The following UVSSA variants were observed in gnomAD, a reference collection of about 807,000 sequenced individuals.
UVSSA encodes the protein UV-stimulated scaffold protein A.
A neutral mutation model predicts 73.9 loss-of-function variants in UVSSA; 72 were observed. The ratio of observed to expected loss-of-function variants is 0.97; its 90% CI spans 0.81 to 1.19. The LOEUF is 1.19. Ranked by LOEUF, UVSSA falls within the 50% of genes most tolerant of loss-of-function variation. The pLI is 0.00. For missense variants in UVSSA, 1,150 were observed against 965.0 expected, an observed-to-expected ratio of 1.19 and a Z score of -2.54; for synonymous variants, 454 against 391.3, an observed-to-expected ratio of 1.16 and a Z score of -1.89.
Position 1,353,000 on chromosome 4 carries a change from C to T in UVSSA, c.551-30C>T, listed in dbSNP as rs1234184162. ...GCTGGTGCTTTTGCTCCACATAGCGCAGCAAACAGGTGTCTTGATCTTCCG... is the reference window on the plus strand; with the variant it reads ...GCTGGTGCTTTTGCTCCACATAGCGTAGCAAACAGGTGTCTTGATCTTCCG... On this transcript the variant is annotated intron_variant, in intron 4 of 13. Coordinates refer to ENST00000389851, the MANE Select transcript of UVSSA (RefSeq NM_020894.4). 2.5e-6 allele frequency: 4 copies of T among 1,586,004 alleles called. No homozygotes were observed. In the African/African-American group the frequency reaches 4.0e-5, roughly 16 times the overall value.
chr4:1,394,445 C>A (rs1720472582), exon 14 of UVSSA: 1 of 1,604,900 alleles, frequency 6.2e-7, no homozygotes, highest in South Asian at 1.1e-5. Flanking sequence ...GTTTTTGATA[C>A]AAAATGTGAG....
At chr4:1,371,991 T>C (rs1380265145) in intron 8 of UVSSA, among the ~76,000 whole-genome samples, 2 of 152,242 alleles carry the variant, frequency 1.3e-5, no homozygotes, top group Non-Finnish European at 2.9e-5. Flanking sequence ...GCCCTCAGCA[T>C]GGCTTCTTAT....
At chr4:1,348,794 G>A (rs774140483) in intron 2 of UVSSA, among the ~76,000 whole-genome samples, 18 of 152,226 alleles carry the variant, frequency 1.2e-4, no homozygotes, top group Non-Finnish European at 2.2e-4. Context: ...TTCAGGTCAG[G>A]TTTTGTGGCC....
At position 1,353,228 on chromosome 4, in the gene UVSSA, A is replaced by G; in HGVS notation, c.749A>G (p.Gln250Arg). Residue 250 changes from glutamine (Q) to arginine (R), a missense_variant, in exon 5 of 14, where the codon CAG becomes CGG. Transcript: ENST00000389851. ...ACCCCTGACCCCCGGGACGGGGAGC[A>G]GCCCTGCTGCAGTAGAGACCTGCCT... ...SGTPDPRDGE[Q>R]PCCSRDLPAS... The G allele has an allele frequency of 6.2e-7, 1 of 1,612,134 alleles. No individual in the cohort carries two copies. Among genetic ancestry groups the G allele is most frequent in the Non-Finnish European group, 8.5e-7 (1 of 1,179,830 alleles).
chr4:1,376,851 G>GA (rs959448227), intron 10 of UVSSA, among the ~76,000 whole-genome samples: 1 of 151,024 alleles, frequency 6.6e-6, no homozygotes, highest in African/African-American at 2.5e-5. Flanking sequence ...CCGGGAGAGG[G>GA]TGGGGAGGAC....
chr4:1,345,252 T>C (rs1713577035), upstream of UVSSA, among the ~76,000 whole-genome samples: 1 of 151,994 alleles, frequency 6.6e-6, no homozygotes, highest in South Asian at 2.1e-4. Flanking sequence ...GGTAGGGCTG[T>C]CAGGATTTGC....
At position 1,376,017 on chromosome 4, in the gene UVSSA, C is replaced by A; in HGVS notation, c.1434-17C>A. 3 of 1,582,124 alleles carry A rather than the reference C, an allele frequency of 1.9e-6. No individual in the cohort carries two copies. The highest frequency in any genetic ancestry group is 2.7e-5 in the African/African-American group (2 of 74,062). On this transcript the variant is annotated splice_polypyrimidine_tract_variant and intron_variant, in intron 9 of 13. Coordinates refer to ENST00000389851, the MANE Select transcript of UVSSA (RefSeq NM_020894.4). ...GCACCAGCAGCACCGTCAGGCTGTC[C>A]CACTCTGCTCCTGTAGCCCCTCCAG... is the stretch of plus-strand genomic sequence containing the variant.
intron 10 of UVSSA, among the ~76,000 whole-genome samples, chr4:1,377,949 G>A (rs1718976047): frequency 6.6e-6 from 1 of 152,220 alleles, no homozygotes; most frequent in South Asian, 2.1e-4. Context: ...GCTGGTGCAG[G>A]AGATGGCACC....
chr4:1,354,903 T>TGGGA (rs1553877118), intron 6 of UVSSA, 56 bp downstream of exon 6: 12 of 1,465,778 alleles, frequency 8.2e-6, no homozygotes, highest in Non-Finnish European at 1.1e-5. Flanking sequence ...GTGCCATGCA[T>TGGGA]GGGGGGGGTC....
At chr4:1,363,593 C>T (rs1229313697) in intron 7 of UVSSA, among the ~76,000 whole-genome samples, 2 of 152,248 alleles carry the variant, frequency 1.3e-5, no homozygotes, top group Non-Finnish European at 2.9e-5. Context: ...TAACGCGCTG[C>T]ACTGGCTGAG....
chr4:1,390,090 C>T (rs1720371615), downstream of UVSSA: 1 of 152,078 alleles, frequency 6.6e-6, no homozygotes, highest in African/African-American at 2.4e-5. Context: ...AAATCTTTTT[C>T]ATATAGACAT....
rs1327187942 is a variant in UVSSA at position 1,355,235 on chromosome 4, A to T, written c.1166A>T (p.Glu389Val). Reference sequence around the variant, plus strand: ...CTGGACATCGAGCCTGAGGGAGGGGAAAGGCGCAGGGTGAGTGGGCAGGCG... The same window carrying T: ...CTGGACATCGAGCCTGAGGGAGGGGTAAGGCGCAGGGTGAGTGGGCAGGCG... The part of the protein sequence containing the change: ...KELDIEPEGG[E>V]RRRTEALGDA... Residue 389 changes from glutamate to valine, a missense_variant, in exon 7 of 14, where the codon GAA becomes GTA. Coordinates refer to ENST00000389851, the MANE Select transcript of UVSSA (RefSeq NM_020894.4). 1 of 1,608,958 alleles carries T rather than the reference A, an allele frequency of 6.2e-7. No homozygotes were observed. Among genetic ancestry groups the T allele is most frequent in the Non-Finnish European group, 8.5e-7 (1 of 1,177,494 alleles).
chr4:1,389,867 C>G (rs1172032360), downstream of UVSSA: 1 of 152,158 alleles, frequency 6.6e-6, no homozygotes, highest in Non-Finnish European at 1.5e-5. Context: ...ATTCTTCTCT[C>G]TTTTACTCCC....
chr4:1,370,875 C>T lies in UVSSA; in HGVS notation c.1288+4444C>T, dbSNP rs147562320. 3.9e-3 allele frequency among the ~76,000 whole-genome samples: 599 copies of T among 152,312 alleles called. 7 individuals are homozygous for T. Among genetic ancestry groups the T allele is most frequent in the African/African-American group, 0.014 (575 of 41,568 alleles). The stretch of plus-strand genomic sequence containing the variant: ...TTTTTCCTCCTCTGCAACTCAGGGA[C>T]GGGGTCGGTGGCTCACTCCTTGATT... On this transcript the variant is annotated intron_variant, in intron 8 of 13. Coordinates refer to ENST00000389851, the MANE Select transcript of UVSSA (RefSeq NM_020894.4).
intron 5 of UVSSA, 59 bp from the exon 6 acceptor site, chr4:1,354,676 G>A (rs555500665): frequency 3.7e-5 from 56 of 1,501,758 alleles, no homozygotes; most frequent in African/African-American, 6.9e-5. Flanking sequence ...CTGCCTCTCC[G>A]GGGCCTGTGG....
Position 1,380,197 on chromosome 4 carries a change from C to CT in UVSSA, c.1719_1720insT (p.Gly574TrpfsTer5). On this transcript the variant is annotated frameshift_variant, in exon 11 of 14. Transcript: ENST00000389851. LOFTEE classifies it high-confidence loss of function. ...ACTGGTGCCGTGCCCCGAGGCCAGACGGCCGGCTCTGTGAGCGCCAAGACC... is the reference window on the plus strand; with the variant it reads ...ACTGGTGCCGTGCCCCGAGGCCAGACTGGCCGGCTCTGTGAGCGCCAAGACC... 1 of 1,612,640 alleles carries CT rather than the reference C, an allele frequency of 6.2e-7. No individual in the cohort carries two copies. Among genetic ancestry groups the CT allele is most frequent in the Non-Finnish European group, 8.5e-7 (1 of 1,179,832 alleles).
At chr4:1,372,120 A>T (rs1489628631) in intron 8 of UVSSA, among the ~76,000 whole-genome samples, 1 of 151,626 alleles carries the variant, frequency 6.6e-6, no homozygotes, top group African/African-American at 2.4e-5. Context: ...CCCACATAGG[A>T]CCTCCTCTGT....
chr4:1,344,903 G>A (rs1342956212), upstream of UVSSA, among the ~76,000 whole-genome samples: 2 of 152,168 alleles, frequency 1.3e-5, no homozygotes, highest in African/African-American at 2.4e-5. Context: ...TGTGGATACT[G>A]GCAGAAGCTT....
intron 8 of UVSSA, among the ~76,000 whole-genome samples, chr4:1,370,690 C>T (rs1380649089): frequency 6.6e-6 from 1 of 152,334 alleles, no homozygotes; most frequent in African/African-American, 2.4e-5. Context: ...CGAAAACAGG[C>T]GGTGGGCTGG....
Sources: allele counts gnomAD v4.1 joint callset (sites outside exome capture counted in the v4.1 genomes callset), GRCh38; gene constraint gnomAD v4.1.1; transcripts MANE v1.5; gene names NCBI Gene and HGNC (gene_info 2026-07-23, HGNC 2026-07-21).